Variants in ARHGEF6 observed in about 807,000 individuals in gnomAD.
ARHGEF6 encodes rho guanine nucleotide exchange factor 6.
A neutral mutation model predicts 70.3 loss-of-function variants in ARHGEF6; 9 were observed. That is an observed-to-expected ratio of 0.13 (90% CI 0.08 to 0.22). The LOEUF (loss-of-function observed/expected upper bound fraction) is 0.22, where lower values mean the gene tolerates loss of function less well. Among genes scored for constraint, ARHGEF6 ranks in the 10% least tolerant of loss-of-function variants. The pLI, the probability that ARHGEF6 is intolerant of heterozygous loss-of-function variation, is 1.00. For missense variants in ARHGEF6, 470 were observed against 563.0 expected (o/e 0.83, Z 1.67); for synonymous variants, 201 against 207.8 (o/e 0.97, Z 0.28).
At chrX:136,701,769 G>A (rs1404842214) in intron 9 of ARHGEF6, among the ~76,000 whole-genome samples, 4 of 95,574 alleles carry the variant, frequency 4.2e-5, no homozygotes, top group Non-Finnish European at 6.1e-5. Context: ...GTGCAGTGGC[G>A]CCATCTTGGC....
intron 18 of ARHGEF6, among the ~76,000 whole-genome samples, chrX:136,676,237 T>C (rs1035487034): frequency 1.4e-4 from 16 of 112,304 alleles, no homozygotes; most frequent in Admixed American, 4.7e-4. Flanking sequence ...TCACTGAGCA[T>C]GGGACTTCTG....
In ARHGEF6 at chrX:136,713,676, C is replaced by G. The variant is rs747510068; in HGVS notation, c.733-306G>C. 2.7e-5 allele frequency among the ~76,000 whole-genome samples: 3 copies of G among 111,904 alleles called. No individual in the cohort carries two copies. The Admixed American group carries it at 2.8e-4, about 11-fold the overall frequency. ...TTTATTTCTTGTAGAGACAGGATCT[C>G]TCTATGTTGCCCAGGGTGGTCTCAA... On this transcript the variant is annotated intron_variant, in intron 6 of 21. Transcript: ENST00000250617.
intron 9 of ARHGEF6, among the ~76,000 whole-genome samples, chrX:136,700,143 A>G (rs1295408457): frequency 9.0e-6 from 1 of 111,192 alleles, no homozygotes; most frequent in Non-Finnish European, 1.9e-5. Context: ...TTATCACCAC[A>G]TTGACAGGGC....
intron 2 of ARHGEF6, among the ~76,000 whole-genome samples, chrX:136,766,294 T>A (rs867110232): frequency 3.7e-5 from 4 of 107,146 alleles, no homozygotes; most frequent in African/African-American, 1.4e-4. Flanking sequence ...AATATAAGTT[T>A]AAAAAAAAAC....
In ARHGEF6 at chrX:136,707,045, G is replaced by T. The variant is rs970081487; in HGVS notation, c.924-15C>A. The T allele has an allele frequency of 8.3e-7, 1 of 1,208,132 alleles. No homozygotes were observed. Among genetic ancestry groups the T allele is most frequent in the East Asian group, 3.0e-5 (1 of 33,805 alleles). The stretch of plus-strand genomic sequence containing the variant: ...TTTCTGGAAACCTGTAAACAAAATG[G>T]ACAAAACACAGAATGTAAAATAGGA... On this transcript the variant is annotated splice_polypyrimidine_tract_variant and intron_variant, in intron 8 of 21. Transcript: ENST00000250617.
At chrX:136,755,500 ATT>A (rs990958774) in intron 2 of ARHGEF6, among the ~76,000 whole-genome samples, 1 of 111,461 alleles carries the variant, frequency 9.0e-6, no homozygotes, top group African/African-American at 3.3e-5. Flanking sequence ...AGCTACTAAG[ATT>A]TAGGGTAGGA....
chrX:136,779,507 C>T lies in ARHGEF6; in HGVS notation c.166-10G>A. 8.4e-7 allele frequency: 1 copy of T among 1,196,342 alleles called. No individual in the cohort carries two copies. The highest frequency in any genetic ancestry group is 1.1e-6 in the Non-Finnish European group (1 of 881,560). On this transcript the variant is annotated splice_polypyrimidine_tract_variant and intron_variant, in intron 1 of 21. Transcript: ENST00000250617. Reference sequence around the variant, plus strand: ...GGGGATCCAGACAAAACTAGAGGAACACAGTGAAATGTCACTTGGAGATTG... The same window carrying T: ...GGGGATCCAGACAAAACTAGAGGAATACAGTGAAATGTCACTTGGAGATTG...
chrX:136,721,761 G>T (rs752857490), intron 6 of ARHGEF6, among the ~76,000 whole-genome samples: 2 of 111,304 alleles, frequency 1.8e-5, no homozygotes, highest in South Asian at 7.6e-4. Context: ...TAGAATGGTG[G>T]TTACAAGGGG....
At position 136,701,663 on chromosome X, in the gene ARHGEF6, A is replaced by C. The variant is rs748271847; in HGVS notation, c.1046+5245T>G. On this transcript the variant is annotated intron_variant, in intron 9 of 21. Coordinates refer to ENST00000250617, the MANE Select transcript of ARHGEF6 (RefSeq NM_004840.3). ...CTTGGATACATGGAAAAAAGTATCA[A>C]AAATAATAAATCCAGGTAAAACAAA... is the stretch of plus-strand genomic sequence containing the variant. 2.5e-4 allele frequency among the ~76,000 whole-genome samples: 28 copies of C among 109,958 alleles called. No individual in the cohort carries two copies. The South Asian group carries it at 5.4e-3, about 21-fold the overall frequency.
intron 17 of ARHGEF6, among the ~76,000 whole-genome samples, chrX:136,677,705 A>T (rs537352286): frequency 2.7e-5 from 3 of 110,938 alleles, no homozygotes; most frequent in East Asian, 2.8e-4. Flanking sequence ...AACAGAATTT[A>T]AAAAAAAACA....
chrX:136,766,141 G>A (rs2077311208), intron 2 of ARHGEF6, among the ~76,000 whole-genome samples: 1 of 111,456 alleles, frequency 9.0e-6, no homozygotes, highest in Non-Finnish European at 1.9e-5. Flanking sequence ...GCAGGCCCAG[G>A]CCTTACATTT....
intron 9 of ARHGEF6, among the ~76,000 whole-genome samples, chrX:136,701,763 A>G (rs1950234985): frequency 1.1e-5 from 1 of 89,394 alleles, no homozygotes; most frequent in Non-Finnish European, 2.1e-5. Context: ...GCTGGAGTGC[A>G]GTGGCGCCAT....
At position 136,717,758 on chromosome X, in the gene ARHGEF6, C is replaced by T. The variant is rs1051886991; in HGVS notation, c.733-4388G>A. Among the ~76,000 whole-genome samples the T allele has an allele frequency of 3.6e-5, 4 of 111,146 alleles. No individual in the cohort carries two copies. In the Admixed American group the frequency reaches 3.8e-4, roughly 11 times the overall value. On this transcript the variant is annotated intron_variant, in intron 6 of 21. Transcript: ENST00000250617. ...ACTATGTTATTATAAGGTACTTGCA[C>T]TACCTGCGAATATAGTATGTATCTT... is the stretch of plus-strand genomic sequence containing the variant.
At chrX:136,765,052 C>T (rs992506756) in intron 2 of ARHGEF6, among the ~76,000 whole-genome samples, 2 of 111,776 alleles carry the variant, frequency 1.8e-5, no homozygotes, top group African/African-American at 3.3e-5. Flanking sequence ...GATTACATTC[C>T]GGTTCTTCTT....
rs148903804 is a variant in ARHGEF6 at position 136,757,543 on chromosome X, A to G, written c.250-9951T>C. On this transcript the variant is annotated intron_variant, in intron 2 of 21. Transcript: ENST00000250617. ...CACTGTGCCTCTCTCTGACATTTATACTTCTCCTTCAGAAAGTTCCCTCAA... is the reference window on the plus strand; with the variant it reads ...CACTGTGCCTCTCTCTGACATTTATGCTTCTCCTTCAGAAAGTTCCCTCAA... Among the ~76,000 whole-genome samples, 428 of 111,701 alleles carry G rather than the reference A, an allele frequency of 3.8e-3. 1 individual carries two copies. The highest frequency in any genetic ancestry group is 0.013 in the African/African-American group (393 of 30,771).
chrX:136,699,585 C>T (rs1325907878), intron 9 of ARHGEF6, among the ~76,000 whole-genome samples: 1 of 111,036 alleles, frequency 9.0e-6, no homozygotes, highest in Non-Finnish European at 1.9e-5. Context: ...AAAATCACCA[C>T]CTCAAAATCT....
intron 2 of ARHGEF6, among the ~76,000 whole-genome samples, chrX:136,754,122 C>T (rs905554207): frequency 2.7e-5 from 3 of 111,877 alleles, no homozygotes; most frequent in African/African-American, 9.8e-5. Flanking sequence ...TCAGCATCAC[C>T]ATAGGACTCC....
At chrX:136,775,570 A>G (rs967284806) in intron 2 of ARHGEF6, among the ~76,000 whole-genome samples, 2 of 112,018 alleles carry the variant, frequency 1.8e-5, no homozygotes, top group Non-Finnish European at 3.8e-5. Flanking sequence ...GCCATCTATG[A>G]CAAACCCACA....
rs749743568 is a variant in ARHGEF6 at position 136,732,177 on chromosome X, GA to G, written c.662-6del. The G allele has an allele frequency of 1.7e-6, 2 of 1,185,055 alleles. No individual in the cohort carries two copies. The highest frequency in any genetic ancestry group is 2.3e-6 in the Non-Finnish European group (2 of 873,241). ...CTTTTGGGGAGAGAGGTCTCTCTGT[GA>G]AAAAAACATTTAAATTATGTTAATA... On this transcript the variant is annotated splice_region_variant and splice_polypyrimidine_tract_variant and intron_variant, in intron 5 of 21. Transcript: ENST00000250617.
Sources: gnomAD v4.1 joint callset for allele counts (sites outside exome capture counted in the v4.1 genomes callset) on GRCh38, gnomAD v4.1.1 for gene constraint, MANE v1.5 for transcripts, NCBI Gene and HGNC (gene_info 2026-07-23, HGNC 2026-07-21) for gene names.